The following ACOXL variants were observed in gnomAD, a reference collection of about 807,000 sequenced individuals.
ACOXL encodes acyl-coenzyme A oxidase-like protein.
In ACOXL, 70 loss-of-function variants were observed where a neutral mutation model predicts 71.9. The observed-to-expected ratio is 0.97, with a 90% CI of 0.80 to 1.19. The LOEUF is 1.19. ACOXL is among the 50% of genes most tolerant of loss of function. The probability of loss-of-function intolerance (pLI) is 0.00; values close to 1 mark genes in which losing one functional copy is unlikely to be tolerated. For synonymous variants in ACOXL, 253 were observed against 281.6 expected (o/e 0.90, Z 1.02); for missense variants, 703 against 736.3 (o/e 0.95, Z 0.52).
chr2:111,031,809 A>C, intron 15 of ACOXL, 95 bp downstream of exon 15: 2 of 1,258,858 alleles, frequency 1.6e-6, no homozygotes, highest in Non-Finnish European at 2.3e-6. Flanking sequence ...CAGTCCCAAC[A>C]CACAGGGAAG....
At chr2:110,784,640 T>C in intron 2 of ACOXL, 92 bp from the exon 3 acceptor site, 2 of 945,638 alleles carry the variant, frequency 2.1e-6, no homozygotes, top group East Asian at 2.8e-5. Context: ...TTTTTTATTA[T>C]AAAAGTAACA....
intron 10 of ACOXL, among the ~76,000 whole-genome samples, chr2:110,897,570 C>T (rs1299723703): frequency 1.3e-5 from 2 of 149,150 alleles, no homozygotes; most frequent in Admixed American, 6.7e-5. Context: ...TTATGAGGGC[C>T]GAGCCCTTAT....
intron 10 of ACOXL, among the ~76,000 whole-genome samples, chr2:110,883,730 T>G (rs1696954047): frequency 6.6e-6 from 1 of 152,200 alleles, no homozygotes; most frequent in African/African-American, 2.4e-5. Context: ...TTAAATGTAT[T>G]TTATTATTAC....
intron 8 of ACOXL, among the ~76,000 whole-genome samples, chr2:110,803,315 G>A (rs908595236): frequency 2.6e-5 from 4 of 152,124 alleles, no homozygotes; most frequent in Non-Finnish European, 5.9e-5. Flanking sequence ...ATTTGAATAA[G>A]GATAGATATA....
intron 12 of ACOXL, among the ~76,000 whole-genome samples, chr2:110,943,266 G>A (rs1037018945): frequency 6.6e-6 from 1 of 150,598 alleles, no homozygotes; most frequent in African/African-American, 2.4e-5. Context: ...AGAAAGGAGG[G>A]AGGGAGGGAA....
At chr2:110,809,273 C>A (rs941589683) in intron 9 of ACOXL, among the ~76,000 whole-genome samples, 3 of 152,216 alleles carry the variant, frequency 2.0e-5, no homozygotes, top group Admixed American at 1.3e-4. Flanking sequence ...GCACTGGGGT[C>A]GTGCTCACCT....
intron 14 of ACOXL, among the ~76,000 whole-genome samples, chr2:111,002,400 A>G (rs1272419556): frequency 6.6e-6 from 1 of 152,240 alleles, no homozygotes; most frequent in East Asian, 1.9e-4. Context: ...CAAAATATAA[A>G]GAGGAATTGC....
At chr2:110,741,309 C>T (rs1031920694) in intron 1 of ACOXL, among the ~76,000 whole-genome samples, 3 of 152,116 alleles carry the variant, frequency 2.0e-5, no homozygotes, top group African/African-American at 4.8e-5. Flanking sequence ...CAGTGGGTGT[C>T]GGCAGGGTTG....
chr2:110,878,454 A>G (rs1460108591), intron 10 of ACOXL, among the ~76,000 whole-genome samples: 2 of 152,200 alleles, frequency 1.3e-5, no homozygotes, highest in African/African-American at 4.8e-5. Context: ...TGTATGTTGA[A>G]TTGATATGCA....
intron 16 of ACOXL, among the ~76,000 whole-genome samples, chr2:111,068,111 C>T (rs368565854): frequency 7.4e-4 from 112 of 152,272 alleles, no homozygotes; most frequent in African/African-American, 2.7e-3. Flanking sequence ...ACAGAGGAGG[C>T]GAATGGGGGC....
At position 110,794,339 on chromosome 2, in the gene ACOXL, T is replaced by C. The variant is rs145287611; in HGVS notation, c.345+165T>C. 2.0e-3 allele frequency among the ~76,000 whole-genome samples: 300 copies of C among 152,382 alleles called. 2 individuals carry two copies. Among genetic ancestry groups the C allele is most frequent in the African/African-American group, 7.0e-3 (292 of 41,598 alleles). ...AAGTGTTTTAATAGAGGTGGATATGTGCTCAGCCTTCGTGTACCCAACATC... is the reference window on the plus strand; with the variant it reads ...AAGTGTTTTAATAGAGGTGGATATGCGCTCAGCCTTCGTGTACCCAACATC... On this transcript the variant is annotated intron_variant, in intron 5 of 17. Coordinates refer to ENST00000439055, the MANE Select transcript of ACOXL (RefSeq NM_001142807.4).
chr2:111,027,646 C>T (rs781326903), intron 14 of ACOXL, among the ~76,000 whole-genome samples: 2 of 152,090 alleles, frequency 1.3e-5, no homozygotes, highest in Non-Finnish European at 2.9e-5. Context: ...GAATAAGTAC[C>T]TCAAAGCATA....
intron 16 of ACOXL, among the ~76,000 whole-genome samples, chr2:111,071,385 T>C (rs1333182529): frequency 6.6e-6 from 1 of 152,184 alleles, no homozygotes; most frequent in Admixed American, 6.5e-5. Flanking sequence ...GGATTAGAGA[T>C]GGGCATTGTT....
intron 11 of ACOXL, among the ~76,000 whole-genome samples, chr2:110,913,126 G>C (rs1193703112): frequency 6.6e-6 from 1 of 152,190 alleles, no homozygotes; most frequent in Non-Finnish European, 1.5e-5. Context: ...AGTATGTGGT[G>C]AAATAGAAAC....
At chr2:110,877,134 G>T in intron 10 of ACOXL, among the ~76,000 whole-genome samples, 1 of 152,216 alleles carries the variant, frequency 6.6e-6, no homozygotes, top group East Asian at 1.9e-4. Context: ...TTTCCTGTTT[G>T]CTGCGAGGGA....
intron 15 of ACOXL, among the ~76,000 whole-genome samples, chr2:111,037,478 T>A (rs2065572156): frequency 1.3e-5 from 2 of 152,156 alleles, no homozygotes; most frequent in South Asian, 4.2e-4. Flanking sequence ...AGAACAGAAG[T>A]TAGTGGCTGT....
At chr2:111,023,579 C>T (rs1288860654) in intron 14 of ACOXL, among the ~76,000 whole-genome samples, 1 of 151,966 alleles carries the variant, frequency 6.6e-6, no homozygotes, top group African/African-American at 2.4e-5. Flanking sequence ...GAGAAGGGGC[C>T]CCATGGGAAA....
intron 10 of ACOXL, chr2:110,886,710 C>G (rs1365600550): frequency 1.3e-6 from 2 of 1,542,074 alleles, no homozygotes; most frequent in African/African-American, 2.7e-5. Context: ...CAAGTTTCAC[C>G]CTTTGACTGG....
chr2:110,912,342 G>A (rs1370408828), intron 11 of ACOXL, among the ~76,000 whole-genome samples: 2 of 152,078 alleles, frequency 1.3e-5, no homozygotes, highest in Non-Finnish European at 2.9e-5. Flanking sequence ...AAAGTTGGAA[G>A]GCTCACATTT....
Sources: allele counts gnomAD v4.1 joint callset (sites outside exome capture counted in the v4.1 genomes callset), GRCh38; gene constraint gnomAD v4.1.1; transcripts MANE v1.5; gene names NCBI Gene and HGNC (gene_info 2026-07-23, HGNC 2026-07-21).